PLGRKT: variants seen among roughly 807,000 people sequenced by gnomAD.
PLGRKT encodes the protein plasminogen receptor (KT).
PLGRKT carries 22 observed loss-of-function variants against 18.5 expected under a neutral mutation model. The ratio of observed to expected loss-of-function variants is 1.19; its 90% CI spans 0.85 to 1.70. PLGRKT has a LOEUF of 1.70. Among genes scored for constraint, PLGRKT ranks in the 40% most tolerant of loss-of-function variants. PLGRKT has a pLI of 0.00. For missense variants in PLGRKT, 235 were observed against 174.4 expected (o/e 1.35, Z -1.96); for synonymous variants, 72 against 52.8 (o/e 1.36, Z -1.58).
At chr9:5,431,778 G>A (rs1341998009) in intron 3 of PLGRKT, 119 bp downstream of exon 3, 2 of 607,388 alleles carry the variant, frequency 3.3e-6, no homozygotes, top group Non-Finnish European at 6.0e-6. Flanking sequence ...TTGGTTTTAA[G>A]GATGCAGCCC....
intron 3 of PLGRKT, among the ~76,000 whole-genome samples, chr9:5,402,892 T>G (rs1205003033): frequency 2.0e-5 from 3 of 151,814 alleles, no homozygotes; most frequent in Non-Finnish European, 2.9e-5. Context: ...AAATACTAAG[T>G]ATTGAAACAG....
intron 3 of PLGRKT, among the ~76,000 whole-genome samples, chr9:5,409,735 A>G (rs2131141145): frequency 6.6e-6 from 1 of 152,300 alleles, no homozygotes; most frequent in Non-Finnish European, 1.5e-5. Flanking sequence ...AAGTCCAAGA[A>G]GATCAGTTTG....
At chr9:5,416,971 T>A (rs1818473980) in intron 3 of PLGRKT, among the ~76,000 whole-genome samples, 1 of 152,252 alleles carries the variant, frequency 6.6e-6, no homozygotes, top group East Asian at 1.9e-4. Flanking sequence ...TATTAATATC[T>A]GCCCTACATT....
At chr9:5,417,873 C>G (rs1818494131) in intron 3 of PLGRKT, among the ~76,000 whole-genome samples, 2 of 151,960 alleles carry the variant, frequency 1.3e-5, no homozygotes, top group South Asian at 2.1e-4. Context: ...GCCTCAGCAA[C>G]TAAATGAAGA....
At chr9:5,389,164 G>T (rs1016019231) in intron 3 of PLGRKT, among the ~76,000 whole-genome samples, 4 of 151,848 alleles carry the variant, frequency 2.6e-5, no homozygotes, top group African/African-American at 9.7e-5. Context: ...GTTATATGAT[G>T]GGATATCTTA....
chr9:5,372,249 C>A (rs1817535359), intron 3 of PLGRKT, among the ~76,000 whole-genome samples: 2 of 152,012 alleles, frequency 1.3e-5, no homozygotes, highest in Admixed American at 6.6e-5. Context: ...AAAGAAAATT[C>A]TTAAGAAATT....
At chr9:5,363,137 T>C (rs908958059) in intron 3 of PLGRKT, among the ~76,000 whole-genome samples, 3 of 151,028 alleles carry the variant, frequency 2.0e-5, no homozygotes, top group Admixed American at 6.6e-5. Context: ...TAACAGACAC[T>C]TGGGGAGTGA....
At chr9:5,417,720 A>C (rs1467828261) in intron 3 of PLGRKT, among the ~76,000 whole-genome samples, 1 of 151,858 alleles carries the variant, frequency 6.6e-6, no homozygotes, top group African/African-American at 2.4e-5. Context: ...TTTAATAAAC[A>C]CGTAGGATCT....
At chr9:5,430,273 G>A (rs1414120491) in intron 3 of PLGRKT, among the ~76,000 whole-genome samples, 1 of 152,144 alleles carries the variant, frequency 6.6e-6, no homozygotes, top group Non-Finnish European at 1.5e-5. Flanking sequence ...GACTTCATGG[G>A]GACCAACATA....
rs930067571 is a variant in PLGRKT at position 5,373,819 on chromosome 9, A to C, written c.82-11931T>G. Among the ~76,000 whole-genome samples the C allele has an allele frequency of 6.7e-4, 102 of 152,190 alleles. 1 individual carries two copies. Among genetic ancestry groups the C allele is most frequent in the African/African-American group, 2.4e-3 (99 of 41,450 alleles). On this transcript the variant is annotated intron_variant, in intron 3 of 5. Transcript: ENST00000223864. ...AAAAAAAAAAGAATTGTCTATGCTT[A>C]AGGTGGGGACAGAACAGGAAGCTAA...
chr9:5,402,570 G>A (rs944618407), intron 3 of PLGRKT, among the ~76,000 whole-genome samples: 4 of 151,852 alleles, frequency 2.6e-5, no homozygotes, highest in African/African-American at 9.7e-5. Context: ...AGAGGGCAAG[G>A]GAATCTGGGA....
intron 3 of PLGRKT, among the ~76,000 whole-genome samples, chr9:5,423,840 C>T (rs888979515): frequency 7.5e-6 from 1 of 134,190 alleles, no homozygotes; most frequent in African/African-American, 3.1e-5. Context: ...ATAGCTGGAA[C>T]TATAGGCACA....
rs200430666 is a variant in PLGRKT, at chr9:5,390,231, G to GTA, written c.82-28344_82-28343insTA. ...TATGTGTGTGCGTGTGTGTGTGTGT[G>GTA]TGTGTATGTGTATATATATATATAT... On this transcript the variant is annotated intron_variant, in intron 3 of 5. Coordinates refer to ENST00000223864, the MANE Select transcript of PLGRKT (RefSeq NM_018465.4). Among the ~76,000 whole-genome samples the GTA allele has an allele frequency of 5.2e-3, 712 of 136,962 alleles. 8 individuals are homozygous for GTA. Among genetic ancestry groups the GTA allele is most frequent in the South Asian group, 8.5e-3 (33 of 3,864 alleles). The allele number at this position is 136,962 out of a possible 152,430, so 89.9% of individuals were successfully genotyped here.
chr9:5,364,256 C>T (rs561679647), intron 3 of PLGRKT, among the ~76,000 whole-genome samples: 7 of 152,210 alleles, frequency 4.6e-5, no homozygotes, highest in Non-Finnish European at 8.8e-5. Context: ...CGTGTGCAGC[C>T]GGGACTGAGA....
chr9:5,415,572 G>C (rs916334840), intron 3 of PLGRKT, among the ~76,000 whole-genome samples: 1 of 152,152 alleles, frequency 6.6e-6, no homozygotes, highest in South Asian at 2.1e-4. Context: ...ACTTTACAGT[G>C]TATATAAACT....
intron 3 of PLGRKT, among the ~76,000 whole-genome samples, chr9:5,398,683 T>C (rs564090778): frequency 6.6e-6 from 1 of 152,046 alleles, no homozygotes; most frequent in Non-Finnish European, 1.5e-5. Flanking sequence ...GAGAAGTCCA[T>C]ATCTGAGATA....
chr9:5,384,995 T>C (rs1817815051), intron 3 of PLGRKT, among the ~76,000 whole-genome samples: 1 of 152,018 alleles, frequency 6.6e-6, no homozygotes, highest in African/African-American at 2.4e-5. Flanking sequence ...TGAGGGAAGA[T>C]GAAGTAGAAA....
chr9:5,373,388 G>A (rs116350275), intron 3 of PLGRKT, among the ~76,000 whole-genome samples: 386 of 152,304 alleles, frequency 2.5e-3, no homozygotes, highest in African/African-American at 9.0e-3. Context: ...ACCACATTCT[G>A]TAAACTCAAC....
chr9:5,395,060 C>T lies in PLGRKT; in HGVS notation c.82-33172G>A, dbSNP rs1818019207. 1.3e-5 allele frequency among the ~76,000 whole-genome samples: 2 copies of T among 148,610 alleles called. 1 individual carries two copies. The highest frequency in any genetic ancestry group is 5.0e-5 in the African/African-American group (2 of 39,938). On this transcript the variant is annotated intron_variant, in intron 3 of 5. Transcript: ENST00000223864. ...GGCATTATGACAATGAAACATTACA[C>T]TCAAAATATTACACTTAGATTTTCC... is the stretch of plus-strand genomic sequence containing the variant.
Sources: allele counts gnomAD v4.1 joint callset (sites outside exome capture counted in the v4.1 genomes callset), GRCh38; gene constraint gnomAD v4.1.1; transcripts MANE v1.5; gene names NCBI Gene and HGNC (gene_info 2026-07-23, HGNC 2026-07-21).